The following MALRD1 variants were observed in gnomAD, a reference collection of about 807,000 sequenced individuals.
MALRD1 encodes the protein MAM and LDL receptor class A domain containing 1.
MALRD1 carries 247 observed loss-of-function variants against 242.1 expected under a neutral mutation model. The ratio of observed to expected loss-of-function variants is 1.02; its 90% CI spans 0.92 to 1.13. MALRD1 has a LOEUF of 1.13. Among genes scored for constraint, MALRD1 ranks in the 50% most tolerant of loss-of-function variants. The probability of loss-of-function intolerance (pLI) is 0.00; values close to 1 mark genes in which losing one functional copy is unlikely to be tolerated. For missense variants in MALRD1, 2,989 were observed against 2,533.1 expected (o/e 1.18, Z -3.86); for synonymous variants, 995 against 866.6 (o/e 1.15, Z -2.60).
In MALRD1 at chr10:19,165,813, A is replaced by T. The variant is rs1474310714; in HGVS notation, c.1830+3A>T. 8.1e-7 allele frequency: 1 copy of T among 1,231,502 alleles called. No homozygotes were observed. Among genetic ancestry groups the T allele is most frequent in the African/African-American group, 1.6e-5 (1 of 64,414 alleles). The allele number at this position is 1,231,502 out of a possible 1,614,324, so 76.3% of individuals were successfully genotyped here. On this transcript the variant is annotated splice_donor_region_variant and intron_variant, in intron 13 of 39. Transcript: ENST00000454679. ...GAGAATCTACTCTACCTTTTCAGGT[A>T]AGCACATACGAAATTAATACAACTC...
rs201714445 is a variant in MALRD1 at position 19,591,655 on chromosome 10, C to T, written c.5681-3539C>T. Among the ~76,000 whole-genome samples the T allele has an allele frequency of 9.2e-5, 14 of 152,170 alleles. No homozygotes were observed. The East Asian group carries it at 1.9e-3, about 21-fold the overall frequency. ...CTGGGATTACGGGCGTGTGCCACCA[C>T]GCAGGCTAATTTTTGTATTTTTAGA... On this transcript the variant is annotated intron_variant, in intron 33 of 39. Coordinates refer to ENST00000454679, the MANE Select transcript of MALRD1 (RefSeq NM_001142308.3).
At chr10:19,373,475 T>A (rs1845476333) in intron 26 of MALRD1, among the ~76,000 whole-genome samples, 2 of 150,386 alleles carry the variant, frequency 1.3e-5, no homozygotes, top group Non-Finnish European at 3.0e-5. Flanking sequence ...GCCGAGATCA[T>A]GCCACTGCAC....
At chr10:19,335,180 C>G (rs1480716346) in intron 24 of MALRD1, among the ~76,000 whole-genome samples, 1 of 128,306 alleles carries the variant, frequency 7.8e-6, no homozygotes, top group Non-Finnish European at 1.6e-5. Context: ...ACCTCTTGTT[C>G]TGTTTTTTTT....
At chr10:19,603,034 G>T (rs1025787188) in intron 34 of MALRD1, among the ~76,000 whole-genome samples, 1 of 152,136 alleles carries the variant, frequency 6.6e-6, no homozygotes, top group African/African-American at 2.4e-5. Context: ...CCCACCTGTT[G>T]ATGGGGTTGT....
intron 31 of MALRD1, among the ~76,000 whole-genome samples, chr10:19,499,155 T>G (rs1837853901): frequency 6.6e-6 from 1 of 152,190 alleles, no homozygotes; most frequent in African/African-American, 2.4e-5. Flanking sequence ...CTTTCTGCCC[T>G]GTGATTTCAG....
At chr10:19,600,929 G>GGTTGGAGTA (rs1193805230) in intron 34 of MALRD1, among the ~76,000 whole-genome samples, 61 of 152,162 alleles carry the variant, frequency 4.0e-4, no homozygotes, top group African/African-American at 1.4e-3. Context: ...CTTTTGCCCA[G>GGTTGGAGTA]GTTGGAGTAC....
chr10:19,523,242 C>T (rs560426089), intron 31 of MALRD1, among the ~76,000 whole-genome samples: 4 of 152,282 alleles, frequency 2.6e-5, no homozygotes, highest in African/African-American at 9.6e-5. Flanking sequence ...CCAGTGCCTT[C>T]AGACTTAACC....
intron 12 of MALRD1, among the ~76,000 whole-genome samples, chr10:19,165,216 T>TA (rs2131503206): frequency 7.2e-6 from 1 of 138,608 alleles, no homozygotes; most frequent in African/African-American, 2.8e-5. Flanking sequence ...ATTGAGAAGA[T>TA]TATATTTAAC....
intron 18 of MALRD1, among the ~76,000 whole-genome samples, chr10:19,255,086 A>G (rs1839448040): frequency 6.6e-6 from 1 of 152,010 alleles, no homozygotes; most frequent in Non-Finnish European, 1.5e-5. Context: ...CTTTACGTGG[A>G]GCAGGTGGCA....
chr10:19,117,504 C>T (rs901292963), intron 5 of MALRD1, among the ~76,000 whole-genome samples: 1 of 151,434 alleles, frequency 6.6e-6, no homozygotes, highest in Non-Finnish European at 1.5e-5. Context: ...CAACATTTAA[C>T]TGAACTATGA....
In MALRD1 at chr10:19,674,978, T is replaced by G. The variant is rs910525947; in HGVS notation, c.6138-17304T>G. 2.1e-5 allele frequency among the ~76,000 whole-genome samples: 3 copies of G among 143,874 alleles called. No individual in the cohort carries two copies. In the South Asian group the frequency reaches 6.4e-4, roughly 31 times the overall value. 94.4% of individuals were successfully genotyped at this position (143,874 alleles called of 152,430 possible). A position where few individuals can be genotyped will look rare whatever the true frequency, so the allele number is the denominator to read the frequency against. On this transcript the variant is annotated intron_variant, in intron 36 of 39. Coordinates refer to ENST00000454679, the MANE Select transcript of MALRD1 (RefSeq NM_001142308.3). ...TCAGGACATTTTTTTAAAAAAACTT[T>G]TTTTTAGTATCATCTCAGCCATAAC...
intron 32 of MALRD1, among the ~76,000 whole-genome samples, chr10:19,566,638 T>G (rs1050466838): frequency 4.0e-5 from 6 of 151,086 alleles, no homozygotes; most frequent in Admixed American, 3.3e-4. Context: ...TGCTGAAGTA[T>G]ACCATAAGCC....
intron 36 of MALRD1, among the ~76,000 whole-genome samples, chr10:19,627,364 C>T (rs573095216): frequency 6.6e-6 from 1 of 151,956 alleles, no homozygotes; most frequent in Admixed American, 6.6e-5. Context: ...ATGGATGATG[C>T]TTAAAAGTAT....
intron 29 of MALRD1, among the ~76,000 whole-genome samples, chr10:19,456,797 A>G (rs905599536): frequency 1.8e-5 from 2 of 112,090 alleles, no homozygotes; most frequent in South Asian, 6.0e-4. Context: ...ATTTTGAGAC[A>G]GAGTCTCGCT....
chr10:19,275,279 G>A (rs1401592387), intron 19 of MALRD1, among the ~76,000 whole-genome samples: 2 of 152,084 alleles, frequency 1.3e-5, no homozygotes, highest in Admixed American at 6.6e-5. Context: ...CAGTTCAGTC[G>A]ATGTCTTCTT....
At chr10:19,106,071 G>A (rs1354372708) in intron 5 of MALRD1, among the ~76,000 whole-genome samples, 1 of 151,730 alleles carries the variant, frequency 6.6e-6, no homozygotes, top group Non-Finnish European at 1.5e-5. Context: ...TATTCTATGA[G>A]TGAAATATTT....
intron 5 of MALRD1, among the ~76,000 whole-genome samples, chr10:19,117,887 T>C (rs1349979078): frequency 1.3e-5 from 2 of 152,218 alleles, no homozygotes; most frequent in Admixed American, 1.3e-4. Context: ...ATCAAACAAG[T>C]ATACATTGAG....
chr10:19,505,090 A>G (rs1440635887), intron 31 of MALRD1, among the ~76,000 whole-genome samples: 2 of 152,166 alleles, frequency 1.3e-5, no homozygotes, highest in Non-Finnish European at 2.9e-5. Context: ...AGAAGGAGAA[A>G]GAGGCAGAGG....
chr10:19,708,756 G>A lies in MALRD1; in HGVS notation c.6314+16202G>A, dbSNP rs558019290. Among the ~76,000 whole-genome samples, 3 of 122,776 alleles carry A rather than the reference G, an allele frequency of 2.4e-5. 1 individual carries two copies. In the Admixed American group the frequency reaches 2.7e-4, roughly 11 times the overall value. The allele number at this position is 122,776 out of a possible 152,430, so 80.5% of individuals were successfully genotyped here. A position where few individuals can be genotyped will look rare whatever the true frequency, so the allele number is the denominator to read the frequency against. On this transcript the variant is annotated intron_variant, in intron 38 of 39. Coordinates refer to ENST00000454679, the MANE Select transcript of MALRD1 (RefSeq NM_001142308.3). Reference sequence around the variant, plus strand: ...GGCTCACCACAACCTCCGCCTCCCAGGTTCAAGCGATTCTCCTGCCTCAGC... The same window carrying A: ...GGCTCACCACAACCTCCGCCTCCCAAGTTCAAGCGATTCTCCTGCCTCAGC...
Sources: allele counts gnomAD v4.1 joint callset (sites outside exome capture counted in the v4.1 genomes callset), GRCh38; gene constraint gnomAD v4.1.1; transcripts MANE v1.5; gene names NCBI Gene and HGNC (gene_info 2026-07-23, HGNC 2026-07-21).